Variants in MICU1 observed in about 807,000 individuals in gnomAD.
The protein encoded by MICU1 is mitochondrial calcium uptake 1.
MICU1 carries 45 observed loss-of-function variants against 56.8 expected under a neutral mutation model. That is an observed-to-expected ratio of 0.79 (90% CI 0.62 to 1.02). The LOEUF is 1.02. Ranked by LOEUF, MICU1 falls within the 50% of genes least tolerant of loss-of-function variation. MICU1 has a pLI of 0.00. For synonymous variants in MICU1, 186 were observed against 195.1 expected (o/e 0.95, Z 0.39); for missense variants, 504 against 587.1 (o/e 0.86, Z 1.46).
intron 8 of MICU1, among the ~76,000 whole-genome samples, chr10:72,464,123 T>G (rs1198592326): frequency 1.3e-5 from 2 of 151,784 alleles, no homozygotes; most frequent in African/African-American, 4.8e-5. Flanking sequence ...TAGTGAAACC[T>G]CGTCTCTACT....
intron 8 of MICU1, among the ~76,000 whole-genome samples, chr10:72,426,728 A>G (rs1193590677): frequency 6.6e-6 from 1 of 152,166 alleles, no homozygotes; most frequent in African/African-American, 2.4e-5. Flanking sequence ...CTCAACCAGT[A>G]AGTATAACAC....
chr10:72,441,861 G>A (rs960524764), intron 8 of MICU1, among the ~76,000 whole-genome samples: 6 of 151,762 alleles, frequency 4.0e-5, no homozygotes, highest in South Asian at 2.1e-4. Flanking sequence ...CAAGTGATCC[G>A]CCCACCCTGG....
At chr10:72,400,892 CA>C in intron 10 of MICU1, among the ~76,000 whole-genome samples, 3 of 151,932 alleles carry the variant, frequency 2.0e-5, no homozygotes, top group African/African-American at 7.3e-5. Flanking sequence ...CACACACACA[CA>C]CACACACACA....
At chr10:72,601,793 TTTC>T (rs1841543023) in intron 1 of MICU1, among the ~76,000 whole-genome samples, 1 of 27,934 alleles carries the variant, frequency 3.6e-5, no homozygotes, top group African/African-American at 1.6e-4. Context: ...AATTTCTTTT[TTTC>T]TTTTTCTTTT....
chr10:72,462,205 A>ATTTCT (rs1415454382), intron 8 of MICU1, among the ~76,000 whole-genome samples: 1 of 149,158 alleles, frequency 6.7e-6, no homozygotes, highest in Non-Finnish European at 1.5e-5. Flanking sequence ...TATTAAATGT[A>ATTTCT]TTTCTTTTCT....
chr10:72,593,046 A>G lies in MICU1; in HGVS notation c.-1-26252T>C, dbSNP rs111769116. ...GGTGATCCACCCACTTCGCCCTCCCAAAGTGCTGAGATTACAGGCATGAGA... is the reference window on the plus strand; with the variant it reads ...GGTGATCCACCCACTTCGCCCTCCCGAAGTGCTGAGATTACAGGCATGAGA... On this transcript the variant is annotated intron_variant, in intron 1 of 11. Coordinates refer to ENST00000361114, the MANE Select transcript of MICU1 (RefSeq NM_001195518.2). 7.2e-4 allele frequency among the ~76,000 whole-genome samples: 109 copies of G among 151,860 alleles called. 1 individual carries two copies. In the Middle Eastern group the frequency reaches 0.014, roughly 19 times the overall value.
intron 1 of MICU1, among the ~76,000 whole-genome samples, chr10:72,589,057 G>A (rs560111188): frequency 6.6e-6 from 1 of 152,298 alleles, no homozygotes; most frequent in Non-Finnish European, 1.5e-5. Flanking sequence ...GGAGGCCGAG[G>A]TGGGTGGATC....
intron 1 of MICU1, among the ~76,000 whole-genome samples, chr10:72,595,596 C>T (rs1340411735): frequency 2.6e-5 from 4 of 152,050 alleles, no homozygotes; most frequent in African/African-American, 9.7e-5. Flanking sequence ...TTCATTCATG[C>T]CAATCTAAAC....
chr10:72,429,921 C>T (rs762038407), intron 8 of MICU1, among the ~76,000 whole-genome samples: 2 of 152,138 alleles, frequency 1.3e-5, no homozygotes, highest in Non-Finnish European at 2.9e-5. Flanking sequence ...CTTGCCCACA[C>T]AGTTAATGTG....
chr10:72,450,521 C>T (rs1443885523), intron 8 of MICU1, among the ~76,000 whole-genome samples: 1 of 151,986 alleles, frequency 6.6e-6, no homozygotes, highest in African/African-American at 2.4e-5. Flanking sequence ...AGGTTCTTTT[C>T]TGCTTCATAC....
At chr10:72,512,852 A>C (rs1315676762) in intron 5 of MICU1, among the ~76,000 whole-genome samples, 3 of 152,022 alleles carry the variant, frequency 2.0e-5, no homozygotes, top group African/African-American at 7.2e-5. Context: ...CTACAGGTAC[A>C]TGTCACCATG....
At chr10:72,523,798 G>A (rs1867891463) in intron 5 of MICU1, 1 of 1,475,630 alleles carries the variant, frequency 6.8e-7, no homozygotes, top group African/African-American at 1.4e-5. Context: ...AATTTAAAAA[G>A]TACCTTTAGG....
intron 4 of MICU1, among the ~76,000 whole-genome samples, chr10:72,546,809 T>G (rs116903149): frequency 0.016 from 2,415 of 151,976 alleles, 21 homozygotes; most frequent in Non-Finnish European, 0.025. Flanking sequence ...CACTGTAACC[T>G]CAAACTCCTG....
intron 8 of MICU1, among the ~76,000 whole-genome samples, chr10:72,453,992 C>T (rs1312563470): frequency 2.0e-5 from 3 of 152,036 alleles, no homozygotes; most frequent in African/African-American, 4.8e-5. Flanking sequence ...CACACCACCA[C>T]GCCCAGCTAA....
rs1862187172 is a variant in MICU1, at chr10:72,367,527, T to C, written c.*668A>G. The C allele has an allele frequency of 6.6e-6, 1 of 152,310 alleles. No individual in the cohort carries two copies. The highest frequency in any genetic ancestry group is 1.5e-5 in the Non-Finnish European group (1 of 68,114). The allele number at this position is 152,310 out of a possible 1,614,324, so 9.4% of individuals were successfully genotyped here. On this transcript the variant is annotated 3_prime_UTR_variant, in exon 12 of 12. Coordinates refer to ENST00000361114, the MANE Select transcript of MICU1 (RefSeq NM_001195518.2). ...TAAGCACAGGGTCACACTGGAGTCA[T>C]CTTAGGGAGGCTGCGAGGAAGAAAA...
chr10:72,456,884 TGTGTGTGTGTGTGTGTGTTTTG>T (rs1445303734), intron 8 of MICU1, among the ~76,000 whole-genome samples: 2 of 84,008 alleles, frequency 2.4e-5, no homozygotes, highest in African/African-American at 6.2e-5. Flanking sequence ...TGTGTGTGTG[TGTGTGTGTGTGTGTGTGTTTTG>T]TTTGTTTTTG....
chr10:72,529,091 T>C (rs2132400727), intron 5 of MICU1, among the ~76,000 whole-genome samples: 1 of 152,346 alleles, frequency 6.6e-6, no homozygotes, highest in East Asian at 1.9e-4. Flanking sequence ...CAGATAAATG[T>C]GGATAATATT....
At chr10:72,429,038 A>G (rs1864439634) in intron 8 of MICU1, among the ~76,000 whole-genome samples, 1 of 152,198 alleles carries the variant, frequency 6.6e-6, no homozygotes, top group Non-Finnish European at 1.5e-5. Flanking sequence ...AAATAGAGAT[A>G]ATATTCGTGA....
intron 5 of MICU1, among the ~76,000 whole-genome samples, chr10:72,516,017 G>A (rs896663456): frequency 2.0e-5 from 3 of 152,156 alleles, no homozygotes; most frequent in Non-Finnish European, 4.4e-5. Context: ...TTGCTTAGTA[G>A]TATTTTATTC....
Sources: allele counts gnomAD v4.1 joint callset (sites outside exome capture counted in the v4.1 genomes callset), GRCh38; gene constraint gnomAD v4.1.1; transcripts MANE v1.5; gene names NCBI Gene and HGNC (gene_info 2026-07-23, HGNC 2026-07-21).